The following SLC35F3 variants were observed in gnomAD, a reference collection of about 807,000 sequenced individuals.
SLC35F3 encodes putative thiamine transporter SLC35F3.
In SLC35F3, 25 loss-of-function variants were observed where a neutral mutation model predicts 49.9. That is an observed-to-expected ratio of 0.50 (90% confidence interval 0.37 to 0.70). The LOEUF is 0.70. SLC35F3 is among the 30% of genes least tolerant of loss of function. The pLI is 0.00. For missense variants in SLC35F3, 525 were observed against 639.8 expected (o/e 0.82, Z 1.94); for synonymous variants, 275 against 265.4 (o/e 1.04, Z -0.35).
chr1:234,166,060 A>G, intron 2 of SLC35F3, among the ~76,000 whole-genome samples: 1 of 152,214 alleles, frequency 6.6e-6, no homozygotes, highest in South Asian at 2.1e-4. Flanking sequence ...GTAGTATTCC[A>G]TGGTGTATAT....
Position 233,938,748 on chromosome 1 carries a change from G to A in SLC35F3, c.283+32990G>A, listed in dbSNP as rs1022968731. 9.2e-5 allele frequency among the ~76,000 whole-genome samples: 14 copies of A among 151,996 alleles called. 1 individual carries two copies. In the East Asian group the frequency reaches 2.1e-3, roughly 23 times the overall value. On this transcript the variant is annotated intron_variant, in intron 2 of 7. Transcript: ENST00000366618. ...TGAATGGAAGTATAGGTGGATGGATGGAAAGATGGGTGGATGGATAGACAC... is the reference window on the plus strand; with the variant it reads ...TGAATGGAAGTATAGGTGGATGGATAGAAAGATGGGTGGATGGATAGACAC...
chr1:234,304,663 T>A (rs1160115654), intron 3 of SLC35F3, among the ~76,000 whole-genome samples: 1 of 152,198 alleles, frequency 6.6e-6, no homozygotes, highest in Non-Finnish European at 1.5e-5. Flanking sequence ...CTCTCCACTG[T>A]AGCATCATTA....
intron 3 of SLC35F3, among the ~76,000 whole-genome samples, chr1:234,297,743 C>CAAA (rs57703297): frequency 2.4e-5 from 3 of 124,402 alleles, no homozygotes; most frequent in Non-Finnish European, 3.7e-5. Flanking sequence ...TACCCTGTCT[C>CAAA]AAAAAAAAAA....
chr1:234,109,967 C>A (rs767063443), intron 2 of SLC35F3, among the ~76,000 whole-genome samples: 1 of 152,176 alleles, frequency 6.6e-6, no homozygotes, highest in Admixed American at 6.5e-5. Context: ...CAGCAACTAG[C>A]TCTGGTTGGC....
intron 2 of SLC35F3, among the ~76,000 whole-genome samples, chr1:234,116,026 T>C (rs1045897386): frequency 1.3e-5 from 2 of 152,130 alleles, no homozygotes; most frequent in Non-Finnish European, 2.9e-5. Flanking sequence ...GGGCAAGCAG[T>C]TGCATTCTTT....
At chr1:233,997,164 T>C (rs924526300) in intron 2 of SLC35F3, among the ~76,000 whole-genome samples, 1 of 152,218 alleles carries the variant, frequency 6.6e-6, no homozygotes, top group African/African-American at 2.4e-5. Flanking sequence ...GGTTGAACAC[T>C]CGCGTTGCTT....
At chr1:234,130,437 G>T (rs1329234099) in intron 2 of SLC35F3, among the ~76,000 whole-genome samples, 1 of 148,712 alleles carries the variant, frequency 6.7e-6, no homozygotes, top group African/African-American at 2.5e-5. Context: ...TCAGGAGATC[G>T]AGGCCATCCT....
intron 2 of SLC35F3, among the ~76,000 whole-genome samples, chr1:234,086,880 G>A (rs1249160930): frequency 6.6e-6 from 1 of 152,198 alleles, no homozygotes. Flanking sequence ...AGCAAATTCT[G>A]ACTTATCGTC....
chr1:234,310,647 T>C lies in SLC35F3; in HGVS notation c.828+1327T>C, dbSNP rs538559845. 2.6e-5 allele frequency among the ~76,000 whole-genome samples: 4 copies of C among 152,154 alleles called. No individual in the cohort carries two copies. In the South Asian group the frequency reaches 6.2e-4, roughly 24 times the overall value. ...CCTGGGCCCCCCTGCCACCCACCCA[T>C]GTCCTTCCTGACTTTATTTTGATGT... On this transcript the variant is annotated intron_variant, in intron 4 of 7. Coordinates refer to ENST00000366618, the MANE Select transcript of SLC35F3 (RefSeq NM_173508.4).
intron 2 of SLC35F3, among the ~76,000 whole-genome samples, chr1:234,048,897 A>G (rs142459767): frequency 3.3e-5 from 5 of 152,014 alleles, no homozygotes; most frequent in African/African-American, 1.2e-4. Context: ...CCTTCTTTCT[A>G]TCTCTCTCTT....
At chr1:234,176,860 T>C (rs1666484201) in intron 2 of SLC35F3, among the ~76,000 whole-genome samples, 2 of 151,054 alleles carry the variant, frequency 1.3e-5, no homozygotes, top group African/African-American at 4.9e-5. Context: ...ACTATAACCA[T>C]GTTCCAGAAG....
chr1:233,905,446 TG>T, intron 1 of SLC35F3, 82 bp from the exon 2 acceptor site: 1 of 1,064,978 alleles, frequency 9.4e-7, no homozygotes. Flanking sequence ...GCTCTCGCCC[TG>T]GGATCTGCTC....
chr1:234,183,397 G>A lies in SLC35F3; in HGVS notation c.284-48020G>A, dbSNP rs980475781. Among the ~76,000 whole-genome samples, 3 of 142,822 alleles carry A rather than the reference G, an allele frequency of 2.1e-5. 1 individual carries two copies. The highest frequency in any genetic ancestry group is 7.3e-5 in the African/African-American group (3 of 41,126). 93.7% of individuals were successfully genotyped at this position (142,822 alleles called of 152,430 possible). A position where few individuals can be genotyped will look rare whatever the true frequency, so the allele number is the denominator to read the frequency against. On this transcript the variant is annotated intron_variant, in intron 2 of 7. Transcript: ENST00000366618. ...TTTTTCTGATTTTTTTCTGGATTTTGAAAGAAACCATTTAAGAAAATGCAT... is the reference window on the plus strand; with the variant it reads ...TTTTTCTGATTTTTTTCTGGATTTTAAAAGAAACCATTTAAGAAAATGCAT...
At chr1:234,287,537 T>C (rs1376537556) in intron 3 of SLC35F3, among the ~76,000 whole-genome samples, 2 of 152,210 alleles carry the variant, frequency 1.3e-5, no homozygotes, top group Non-Finnish European at 2.9e-5. Flanking sequence ...ATACTTACTA[T>C]ATCCCAGGCA....
chr1:233,939,864 T>C (rs7543553), intron 2 of SLC35F3, among the ~76,000 whole-genome samples: 22,718 of 152,190 alleles, frequency 0.15, 2,461 homozygotes, highest in African/African-American at 0.31. Context: ...TGAGAAACTA[T>C]GGAAACCATT....
At chr1:234,120,736 A>G (rs551302941) in intron 2 of SLC35F3, among the ~76,000 whole-genome samples, 57 of 152,336 alleles carry the variant, frequency 3.7e-4, no homozygotes, top group Non-Finnish European at 7.8e-4. Flanking sequence ...ACCTCCTTAT[A>G]TGAGTCACCG....
chr1:234,189,299 T>G (rs1210527883), intron 2 of SLC35F3, among the ~76,000 whole-genome samples: 2 of 151,384 alleles, frequency 1.3e-5, no homozygotes, highest in African/African-American at 4.9e-5. Context: ...GAAGTCCGAC[T>G]TAAGGAAATT....
At chr1:234,040,456 G>A (rs572304020) in intron 2 of SLC35F3, among the ~76,000 whole-genome samples, 1 of 152,186 alleles carries the variant, frequency 6.6e-6, no homozygotes, top group South Asian at 2.1e-4. Context: ...TGAAGGCCGG[G>A]CTTCACCAGG....
intron 2 of SLC35F3, among the ~76,000 whole-genome samples, chr1:234,015,564 T>G (rs999055398): frequency 3.3e-5 from 5 of 152,152 alleles, no homozygotes; most frequent in African/African-American, 1.2e-4. Context: ...GGGGGAAAGG[T>G]CAGTCTCTTC....
Sources: gnomAD v4.1 joint callset for allele counts (sites outside exome capture counted in the v4.1 genomes callset) on GRCh38, gnomAD v4.1.1 for gene constraint, MANE v1.5 for transcripts, NCBI Gene and HGNC (gene_info 2026-07-23, HGNC 2026-07-21) for gene names.